The following AP4E1 variants were observed in gnomAD, a reference collection of about 807,000 sequenced individuals.
AP4E1 encodes adaptor related protein complex 4 subunit epsilon 1, also known as AP-4 complex subunit epsilon-1.
AP4E1 carries 56 observed loss-of-function variants against 128.2 expected under a neutral mutation model. That is an observed-to-expected ratio of 0.44 (90% confidence interval 0.35 to 0.55). The LOEUF (loss-of-function observed/expected upper bound fraction) is 0.55, where lower values mean the gene tolerates loss of function less well. Ranked by LOEUF, AP4E1 falls within the 20% of genes least tolerant of loss-of-function variation. AP4E1 has a pLI of 0.00. For synonymous variants in AP4E1, 484 were observed against 473.1 expected (o/e 1.02, Z -0.30); for missense variants, 1,324 against 1,307.7 (o/e 1.01, Z -0.19).
chr15:50,961,664 A>T (rs1471596194), intron 14 of AP4E1, among the ~76,000 whole-genome samples: 1 of 152,018 alleles, frequency 6.6e-6, no homozygotes, highest in Non-Finnish European at 1.5e-5. Context: ...ATAAGAAAAA[A>T]CTGAAGGCAC....
At chr15:50,934,536 A>G (rs2063880731) in intron 7 of AP4E1, 88 bp from the exon 8 acceptor site, 2 of 821,602 alleles carry the variant, frequency 2.4e-6, no homozygotes, top group African/African-American at 3.4e-5. Context: ...TCTTCTGTAG[A>G]TCCTCAGTTT....
At chr15:50,946,802 T>C (rs975536359) in intron 10 of AP4E1, among the ~76,000 whole-genome samples, 11 of 152,196 alleles carry the variant, frequency 7.2e-5, no homozygotes, top group Non-Finnish European at 1.5e-4. Context: ...GCCATGCAAA[T>C]GGGAGCTTAC....
intron 14 of AP4E1, among the ~76,000 whole-genome samples, chr15:50,963,293 C>T (rs1414112085): frequency 1.3e-5 from 2 of 152,064 alleles, no homozygotes; most frequent in Admixed American, 6.5e-5. Context: ...ATACCTGCAC[C>T]CCCATGTTCA....
intron 14 of AP4E1, among the ~76,000 whole-genome samples, chr15:50,963,399 G>A (rs1382608334): frequency 6.6e-6 from 1 of 152,154 alleles, no homozygotes; most frequent in African/African-American, 2.4e-5. Context: ...ATACACAATG[G>A]AATACTATTC....
chr15:50,970,671 A>G (rs765260127), intron 15 of AP4E1, among the ~76,000 whole-genome samples: 20 of 152,158 alleles, frequency 1.3e-4, no homozygotes, highest in Non-Finnish European at 2.2e-4. Flanking sequence ...TGTTATTAGT[A>G]TAGTGACTTC....
intron 15 of AP4E1, among the ~76,000 whole-genome samples, chr15:50,979,115 G>A (rs1297147592): frequency 6.6e-6 from 1 of 151,940 alleles, no homozygotes; most frequent in Non-Finnish European, 1.5e-5. Context: ...TATCTTTAAT[G>A]TGCATAGAAA....
At chr15:50,980,929 GA>G (rs2064635071) in intron 15 of AP4E1, among the ~76,000 whole-genome samples, 1 of 152,306 alleles carries the variant, frequency 6.6e-6, no homozygotes, top group African/African-American at 2.4e-5. Context: ...CTAGATTTCA[GA>G]AGATGTCGTG....
chr15:50,982,302 A>G (rs1488499209), intron 15 of AP4E1, among the ~76,000 whole-genome samples: 3 of 152,178 alleles, frequency 2.0e-5, no homozygotes, highest in African/African-American at 7.2e-5. Flanking sequence ...TTATAGCAAC[A>G]TAAAACGGAC....
chr15:50,913,858 G>C (rs33999678), intron 2 of AP4E1, among the ~76,000 whole-genome samples: 1 of 152,212 alleles, frequency 6.6e-6, no homozygotes, highest in East Asian at 1.9e-4. Context: ...CTGTTGCCTA[G>C]GCTGGAGTGC....
upstream of AP4E1, chr15:50,908,485 A>T (rs2063521645): frequency 6.2e-6 from 2 of 324,814 alleles, no homozygotes; most frequent in East Asian, 5.8e-5. Flanking sequence ...CGGCTTCCTC[A>T]GGAGGACTCA....
intron 5 of AP4E1, among the ~76,000 whole-genome samples, chr15:50,925,646 T>TTC (rs1377994207): frequency 1.3e-5 from 2 of 151,686 alleles, no homozygotes; most frequent in East Asian, 3.9e-4. Flanking sequence ...TTTTTTTTTT[T>TTC]TGAGACAGAG....
intron 15 of AP4E1, among the ~76,000 whole-genome samples, chr15:50,978,974 G>C (rs1184992726): frequency 2.6e-5 from 4 of 152,028 alleles, no homozygotes; most frequent in Non-Finnish European, 5.9e-5. Flanking sequence ...TAATTCTTTT[G>C]ACTTGGAATT....
At position 50,976,293 on chromosome 15, in the gene AP4E1, T is replaced by C. The variant is rs2064549432; in HGVS notation, c.1967-7729T>C. On this transcript the variant is annotated intron_variant, in intron 15 of 20. Coordinates refer to ENST00000261842, the MANE Select transcript of AP4E1 (RefSeq NM_007347.5). Reference sequence around the variant, plus strand: ...AGGATAAAAACCACACAGTTCTCAATAAAAGCAGAAAAAGTGTTTGACAAA... The same window carrying C: ...AGGATAAAAACCACACAGTTCTCAACAAAAGCAGAAAAAGTGTTTGACAAA... Among the ~76,000 whole-genome samples, 4 of 152,120 alleles carry C rather than the reference T, an allele frequency of 2.6e-5. No individual in the cohort carries two copies. The South Asian group carries it at 8.3e-4, about 31-fold the overall frequency.
chr15:50,958,846 G>C (rs770487040), intron 14 of AP4E1, 52 bp downstream of exon 14: 1 of 1,555,558 alleles, frequency 6.4e-7, no homozygotes, highest in South Asian at 1.1e-5. Flanking sequence ...ATTAAACAGA[G>C]TAATTCTTGC....
At chr15:50,972,198 GTTTC>G (rs145100423) in intron 15 of AP4E1, among the ~76,000 whole-genome samples, 64,446 of 150,894 alleles carry the variant, frequency 0.43, 13,959 homozygotes, top group East Asian at 0.58. Context: ...TCTTCATGTA[GTTTC>G]TTTCTTTCTT....
intron 15 of AP4E1, among the ~76,000 whole-genome samples, chr15:50,978,445 G>A (rs1293755003): frequency 6.6e-6 from 1 of 152,134 alleles, no homozygotes; most frequent in Admixed American, 6.6e-5. Context: ...AATGGTTAGA[G>A]AAATATAGCC....
intron 15 of AP4E1, among the ~76,000 whole-genome samples, chr15:50,979,144 AC>A (rs1396411204): frequency 1.3e-5 from 2 of 152,060 alleles, no homozygotes; most frequent in African/African-American, 4.8e-5. Flanking sequence ...TGAGGTATTC[AC>A]TGTTACTGGA....
intron 15 of AP4E1, among the ~76,000 whole-genome samples, chr15:50,977,734 GTC>G (rs890744939): frequency 4.8e-5 from 3 of 62,390 alleles, no homozygotes; most frequent in African/African-American, 7.8e-5. Context: ...TTTAGACAGA[GTC>G]TCTCTCTGTT....
intron 16 of AP4E1, among the ~76,000 whole-genome samples, chr15:50,991,703 A>G (rs1242494562): frequency 6.6e-6 from 1 of 152,134 alleles, no homozygotes. Flanking sequence ...TCCTGTAGCT[A>G]CTTACTTCTT....
Sources: gnomAD v4.1 joint callset for allele counts (sites outside exome capture counted in the v4.1 genomes callset) on GRCh38, gnomAD v4.1.1 for gene constraint, MANE v1.5 for transcripts, NCBI Gene and HGNC (gene_info 2026-07-23, HGNC 2026-07-21) for gene names.